The following MED6 variants were observed in gnomAD, a reference collection of about 807,000 sequenced individuals.
MED6 encodes mediator complex subunit 6.
In MED6, 33 loss-of-function variants were observed where a neutral mutation model predicts 37.5. That is an observed-to-expected ratio of 0.88 (90% CI 0.67 to 1.18). The LOEUF (loss-of-function observed/expected upper bound fraction) is 1.18, where lower values mean the gene tolerates loss of function less well. MED6 is among the 50% of genes most tolerant of loss of function. The pLI is 0.00. For missense variants in MED6, 235 were observed against 290.6 expected (o/e 0.81, Z 1.39); for synonymous variants, 94 against 93.6 (o/e 1.00, Z -0.02).
At position 70,584,371 on chromosome 14, in the gene MED6, A is replaced by T. The variant is rs45523543; in HGVS notation, c.*442T>A. The T allele has an allele frequency of 2.2e-6, 1 of 461,282 alleles. No individual in the cohort carries two copies. The highest frequency in any genetic ancestry group is 3.8e-6 in the Non-Finnish European group (1 of 260,148). 28.6% of individuals were successfully genotyped at this position (461,282 alleles called of 1,614,324 possible). A position where few individuals can be genotyped will look rare whatever the true frequency, so the allele number is the denominator to read the frequency against. Reference sequence around the variant, plus strand: ...ATATTCACAAGAAATCATGATGGGAATAATATCTTTTCTTCTTTTTTGAGA... The same window carrying T: ...ATATTCACAAGAAATCATGATGGGATTAATATCTTTTCTTCTTTTTTGAGA... On this transcript the variant is annotated 3_prime_UTR_variant, in exon 8 of 8. Transcript: ENST00000256379.
intron 6 of MED6, among the ~76,000 whole-genome samples, chr14:70,590,190 C>A (rs184152086): frequency 6.7e-4 from 102 of 152,332 alleles, no homozygotes; most frequent in African/African-American, 2.5e-3. Context: ...CTGGACAGCA[C>A]ATGTCTAGGT....
intron 1 of MED6, among the ~76,000 whole-genome samples, chr14:70,600,380 C>T (rs1019398664): frequency 1.3e-5 from 2 of 151,860 alleles, no homozygotes; most frequent in African/African-American, 2.4e-5. Context: ...AAGCTCAAAA[C>T]CCAGAGCTTC....
intron 2 of MED6, 63 bp downstream of exon 2, chr14:70,597,555 G>T: frequency 7.5e-7 from 1 of 1,333,066 alleles, no homozygotes; most frequent in Non-Finnish European, 9.8e-7. Context: ...TCCACAGTTT[G>T]AAAGAACTGT....
intron 6 of MED6, among the ~76,000 whole-genome samples, chr14:70,588,692 AATAAT>A (rs1284569375): frequency 1.8e-3 from 9 of 5,100 alleles, no homozygotes; most frequent in Non-Finnish European, 2.7e-3. Context: ...TCTCAAAAAT[AATAAT>A]AATAATAATA....
In MED6 at chr14:70,584,775, G is replaced by T; in HGVS notation, c.*38C>A. Reference sequence around the variant, plus strand: ...CCACAGTACTGAGGTATGATAACTAGCATGAGGAGTCTTCCAGGCTTCTCT... The same window carrying T: ...CCACAGTACTGAGGTATGATAACTATCATGAGGAGTCTTCCAGGCTTCTCT... On this transcript the variant is annotated 3_prime_UTR_variant, in exon 8 of 8. Coordinates refer to ENST00000256379, the MANE Select transcript of MED6 (RefSeq NM_005466.4). The T allele has an allele frequency of 6.2e-7, 1 of 1,602,270 alleles. No individual in the cohort carries two copies. Among genetic ancestry groups the T allele is most frequent in the Middle Eastern group, 1.7e-4 (1 of 5,974 alleles).
intron 3 of MED6, chr14:70,595,570 T>C: frequency 1.4e-6 from 1 of 708,530 alleles, no homozygotes; most frequent in Admixed American, 2.1e-5. Context: ...CTGCTGTACC[T>C]GGAGTTGGAG....
chr14:70,599,457 A>G (rs1173406199), intron 1 of MED6, among the ~76,000 whole-genome samples: 2 of 152,110 alleles, frequency 1.3e-5, no homozygotes, highest in Non-Finnish European at 2.9e-5. Flanking sequence ...CCAGCAGCCA[A>G]TGTAGTCCTA....
intron 3 of MED6, 112 bp downstream of exon 3, chr14:70,596,499 G>C: frequency 1.4e-6 from 1 of 709,068 alleles, no homozygotes; most frequent in Admixed American, 2.4e-5. Context: ...ACATGTATGT[G>C]GTCTTGGAGA....
intron 6 of MED6, among the ~76,000 whole-genome samples, chr14:70,589,537 G>C (rs2139592697): frequency 6.6e-6 from 1 of 152,294 alleles, no homozygotes; most frequent in South Asian, 2.1e-4. Flanking sequence ...GTATATACTT[G>C]AAAAACATTA....
At chr14:70,594,502 G>C (rs1884982043) in intron 3 of MED6, 2 of 320,414 alleles carry the variant, frequency 6.2e-6, no homozygotes, top group Middle Eastern at 1.3e-3. Flanking sequence ...GTTAATTGTG[G>C]TCATCAGCAA....
At position 70,593,277 on chromosome 14, in the gene MED6, A is replaced by G. The variant is rs1884939095; in HGVS notation, c.357+19T>C. On this transcript the variant is annotated intron_variant, in intron 4 of 7. Coordinates refer to ENST00000256379, the MANE Select transcript of MED6 (RefSeq NM_005466.4). ...ATTAAAAGTTTTCTTTAGTGCTTAA[A>G]GAATGTGAAGACACTTACCACTCTA... The G allele has an allele frequency of 1.2e-6, 2 of 1,603,114 alleles. No individual in the cohort carries two copies. Among genetic ancestry groups the G allele is most frequent in the Non-Finnish European group, 1.7e-6 (2 of 1,170,274 alleles).
At chr14:70,588,688 AAATAATAATAATAATAATAAT>A (rs77093432) in intron 6 of MED6, among the ~76,000 whole-genome samples, 22,603 of 134,598 alleles carry the variant, frequency 0.17, 2,752 homozygotes, top group East Asian at 0.49. Context: ...TCCGTCTCAA[AAATAATAATAATAATAATAAT>A]AATAATAATA....
intron 6 of MED6, 29 bp downstream of exon 6, chr14:70,591,237 T>C (rs372684616): frequency 1.3e-4 from 194 of 1,517,000 alleles, no homozygotes; most frequent in Admixed American, 1.8e-4. Flanking sequence ...AAGTGTCAAA[T>C]CAAGATTAAC....
intron 1 of MED6, among the ~76,000 whole-genome samples, chr14:70,599,876 G>C (rs60370428): frequency 0.18 from 28,022 of 151,894 alleles, 3,370 homozygotes; most frequent in East Asian, 0.53. Context: ...CGCCAGATAA[G>C]TATAAATGAG....
At chr14:70,599,513 T>C (rs141016135) in intron 1 of MED6, among the ~76,000 whole-genome samples, 76 of 152,286 alleles carry the variant, frequency 5.0e-4, no homozygotes, top group Non-Finnish European at 9.4e-4. Context: ...ACCCCTCCAA[T>C]GGCTCTGCGT....
intron 3 of MED6, chr14:70,594,613 C>T: frequency 2.4e-6 from 1 of 418,808 alleles, no homozygotes; most frequent in Non-Finnish European, 4.6e-6. Context: ...ATCCAGGCGC[C>T]CAGCTGCGGC....
intron 3 of MED6, chr14:70,595,730 C>A: frequency 1.4e-6 from 1 of 731,108 alleles, no homozygotes; most frequent in Non-Finnish European, 2.5e-6. Flanking sequence ...CCCTGGACAG[C>A]AGCAACTCCA....
chr14:70,584,574 C>A lies in MED6; in HGVS notation c.*239G>T. On this transcript the variant is annotated 3_prime_UTR_variant, in exon 8 of 8. Transcript: ENST00000256379. The stretch of plus-strand genomic sequence containing the variant: ...TATTTTTAGTAGAGACGGGGTTTCA[C>A]CATATTGGTCAGGCTGGTCTTGAAC... 1 of 392,678 alleles carries A rather than the reference C, an allele frequency of 2.5e-6. No individual in the cohort carries two copies. The highest frequency in any genetic ancestry group is 4.0e-5 in the South Asian group (1 of 24,888). The allele number at this position is 392,678 out of a possible 1,614,324, so 24.3% of individuals were successfully genotyped here.
intron 2 of MED6, 22 bp from the exon 3 acceptor site, chr14:70,596,724 C>T (rs774859858): frequency 6.4e-7 from 1 of 1,551,004 alleles, no homozygotes; most frequent in Non-Finnish European, 8.9e-7. Flanking sequence ...ACACAGACAT[C>T]CAAAGATCTA....
Sources: allele counts gnomAD v4.1 joint callset (sites outside exome capture counted in the v4.1 genomes callset), GRCh38; gene constraint gnomAD v4.1.1; transcripts MANE v1.5; gene names NCBI Gene and HGNC (gene_info 2026-07-23, HGNC 2026-07-21).